CNTNAP4: variants seen among roughly 807,000 people sequenced by gnomAD.
CNTNAP4 encodes contactin associated protein family member 4, also known as contactin-associated protein-like 4.
CNTNAP4 carries 98 observed loss-of-function variants against 148.4 expected under a neutral mutation model. The ratio of observed to expected loss-of-function variants is 0.66; its 90% CI spans 0.56 to 0.78. The LOEUF (loss-of-function observed/expected upper bound fraction) is 0.78. Ranked by LOEUF, CNTNAP4 falls within the 30% of genes least tolerant of loss-of-function variation. The probability of loss-of-function intolerance (pLI) is 0.00; values close to 1 mark genes in which losing one functional copy is unlikely to be tolerated. For missense variants in CNTNAP4, 1,935 were observed against 1,565.6 expected, an observed-to-expected ratio of 1.24 and a Z score of -3.98; for synonymous variants, 730 against 565.1, an observed-to-expected ratio of 1.29 and a Z score of -4.14.
At chr16:76,447,338 G>GTATATATATGTATGAAATTA (rs1555559353) in intron 4 of CNTNAP4, among the ~76,000 whole-genome samples, 5 of 117,390 alleles carry the variant, frequency 4.3e-5, no homozygotes, top group African/African-American at 1.3e-4. Context: ...ATGAAATTAT[G>GTATATATATGTATGAAATTA]TATATATATA....
chr16:76,414,331 AC>A (rs1340255120), intron 3 of CNTNAP4, among the ~76,000 whole-genome samples: 3 of 151,564 alleles, frequency 2.0e-5, no homozygotes, highest in African/African-American at 7.2e-5. Context: ...ACATTGAATG[AC>A]TTTTAAATAT....
intron 2 of CNTNAP4, among the ~76,000 whole-genome samples, chr16:76,322,482 A>G (rs1021653845): frequency 2.0e-5 from 3 of 152,174 alleles, no homozygotes; most frequent in African/African-American, 7.2e-5. Context: ...GGTGTTAGAC[A>G]TATCTGGAAT....
chr16:76,305,163 C>G (rs1054579456), intron 1 of CNTNAP4, among the ~76,000 whole-genome samples: 3 of 152,178 alleles, frequency 2.0e-5, no homozygotes, highest in East Asian at 3.8e-4. Context: ...TTGCTTTCCT[C>G]TAAATTTGTG....
At chr16:76,335,965 C>T (rs1450763508) in intron 2 of CNTNAP4, among the ~76,000 whole-genome samples, 2 of 152,066 alleles carry the variant, frequency 1.3e-5, no homozygotes, top group African/African-American at 4.8e-5. Context: ...ACTGTCCAGG[C>T]AGAAGACCAA....
intron 2 of CNTNAP4, among the ~76,000 whole-genome samples, chr16:76,353,054 C>A (rs1299555819): frequency 1.3e-5 from 2 of 152,154 alleles, no homozygotes; most frequent in African/African-American, 4.8e-5. Flanking sequence ...AACGAAACTG[C>A]ACCCCAAATC....
chr16:76,482,345 C>T (rs2143691259), intron 12 of CNTNAP4, among the ~76,000 whole-genome samples: 1 of 151,826 alleles, frequency 6.6e-6, no homozygotes, highest in South Asian at 2.1e-4. Flanking sequence ...AGTTTTTGCC[C>T]TGAGTAATTG....
chr16:76,458,404 A>G (rs1238959427), intron 8 of CNTNAP4, among the ~76,000 whole-genome samples: 2 of 152,056 alleles, frequency 1.3e-5, no homozygotes, highest in Admixed American at 6.5e-5. Context: ...TATGTACTTT[A>G]TTTCTATTAT....
chr16:76,288,677 A>T (rs987093420), intron 1 of CNTNAP4, among the ~76,000 whole-genome samples: 2 of 152,234 alleles, frequency 1.3e-5, no homozygotes, highest in Non-Finnish European at 2.9e-5. Flanking sequence ...GAAAGACAGA[A>T]GTATTATGTT....
At chr16:76,377,824 A>G (rs2015571017) in intron 3 of CNTNAP4, among the ~76,000 whole-genome samples, 1 of 152,194 alleles carries the variant, frequency 6.6e-6, no homozygotes, top group Non-Finnish European at 1.5e-5. Flanking sequence ...CTCCATGGAA[A>G]TATAGCATGT....
intron 2 of CNTNAP4, among the ~76,000 whole-genome samples, chr16:76,328,764 G>A (rs532913801): frequency 2.5e-3 from 377 of 152,172 alleles, no homozygotes; most frequent in African/African-American, 8.3e-3. Context: ...TCCTGCCTCA[G>A]CCTCCTGAGT....
At chr16:76,285,671 C>G (rs150841704) in intron 1 of CNTNAP4, among the ~76,000 whole-genome samples, 217 of 152,078 alleles carry the variant, frequency 1.4e-3, no homozygotes, top group Non-Finnish European at 2.3e-3. Context: ...AATTCACCTG[C>G]CTTCCTAAAT....
At chr16:76,436,722 C>T (rs932306924) in intron 4 of CNTNAP4, among the ~76,000 whole-genome samples, 2 of 152,116 alleles carry the variant, frequency 1.3e-5, no homozygotes, top group African/African-American at 4.8e-5. Context: ...AGTGGTAAAT[C>T]AGGAGTGTCC....
chr16:76,317,436 G>C (rs1203360564), intron 2 of CNTNAP4, among the ~76,000 whole-genome samples: 1 of 151,818 alleles, frequency 6.6e-6, no homozygotes, highest in African/African-American at 2.4e-5. Flanking sequence ...TGTACTTAGA[G>C]ACAGAGTGTC....
At chr16:76,515,201 C>T (rs1597794882) in intron 15 of CNTNAP4, among the ~76,000 whole-genome samples, 1 of 152,068 alleles carries the variant, frequency 6.6e-6, no homozygotes, top group Non-Finnish European at 1.5e-5. Context: ...TGAGAAAGGA[C>T]TAGTATATAG....
intron 11 of CNTNAP4, among the ~76,000 whole-genome samples, chr16:76,478,242 A>T (rs1234469040): frequency 6.6e-6 from 1 of 152,226 alleles, no homozygotes; most frequent in Non-Finnish European, 1.5e-5. Context: ...CAAAGTTATG[A>T]TATTCTGCCA....
intron 17 of CNTNAP4, among the ~76,000 whole-genome samples, chr16:76,533,024 G>C (rs908990837): frequency 6.6e-6 from 1 of 152,098 alleles, no homozygotes; most frequent in Non-Finnish European, 1.5e-5. Flanking sequence ...GTATTGAAAA[G>C]ACAGCTGCAC....
intron 1 of CNTNAP4, among the ~76,000 whole-genome samples, chr16:76,283,280 A>T (rs1170354559): frequency 1.3e-5 from 2 of 151,956 alleles, no homozygotes; most frequent in East Asian, 3.9e-4. Context: ...ATTGTTCACT[A>T]ATGAATCATA....
At chr16:76,434,017 ATATG>A (rs929213574) in intron 4 of CNTNAP4, among the ~76,000 whole-genome samples, 2 of 151,194 alleles carry the variant, frequency 1.3e-5, no homozygotes, top group African/African-American at 4.8e-5. Flanking sequence ...ACTAATATAT[ATATG>A]TGTGTGTGTG....
At chr16:76,528,351 C>T (rs977485906) in intron 17 of CNTNAP4, among the ~76,000 whole-genome samples, 7 of 152,216 alleles carry the variant, frequency 4.6e-5, no homozygotes, top group African/African-American at 7.2e-5. Context: ...CTGCAACCTA[C>T]GCCTCCCAGG....
Sources: allele counts gnomAD v4.1 joint callset (sites outside exome capture counted in the v4.1 genomes callset), GRCh38; gene constraint gnomAD v4.1.1; transcripts MANE v1.5; gene names NCBI Gene and HGNC (gene_info 2026-07-23, HGNC 2026-07-21).